The following OTUD7A variants were observed in gnomAD, a reference collection of about 807,000 sequenced individuals.
OTUD7A encodes OTU deubiquitinase 7A, also known as OTU domain-containing protein 7A.
A neutral mutation model predicts 65.7 loss-of-function variants in OTUD7A; 12 were observed. The observed-to-expected ratio is 0.18, with a 90% CI of 0.12 to 0.30. The LOEUF (loss-of-function observed/expected upper bound fraction) is 0.30, where lower values mean the gene tolerates loss of function less well. Among genes scored for constraint, OTUD7A ranks in the 10% least tolerant of loss-of-function variants. The pLI is 1.00. For missense variants in OTUD7A, 1,148 were observed against 1,304.8 expected, an observed-to-expected ratio of 0.88 and a Z score of 1.85; for synonymous variants, 641 against 586.3, an observed-to-expected ratio of 1.09 and a Z score of -1.35.
intron 10 of OTUD7A, among the ~76,000 whole-genome samples, chr15:31,490,264 T>C (rs954212767): frequency 6.6e-5 from 10 of 152,232 alleles, no homozygotes; most frequent in Non-Finnish European, 1.2e-4. Context: ...CTTTTCAAAA[T>C]GAGCCTAAAA....
intron 1 of OTUD7A, among the ~76,000 whole-genome samples, chr15:31,751,302 A>T (rs1894628352): frequency 6.6e-6 from 1 of 152,122 alleles, no homozygotes; most frequent in Non-Finnish European, 1.5e-5. Flanking sequence ...GTGGCCAACA[A>T]ACATATGAAA....
chr15:31,806,692 T>C (rs1896279066), intron 1 of OTUD7A, among the ~76,000 whole-genome samples: 1 of 152,246 alleles, frequency 6.6e-6, no homozygotes, highest in African/African-American at 2.4e-5. Context: ...CCCAGGATTA[T>C]GTATAGAAAA....
intron 1 of OTUD7A, among the ~76,000 whole-genome samples, chr15:31,732,405 C>T (rs1211010699): frequency 5.3e-5 from 8 of 152,192 alleles, no homozygotes; most frequent in Admixed American, 3.3e-4. Context: ...CATGTGGCCT[C>T]CTAGTTGTGA....
chr15:31,649,775 A>G (rs74396681), intron 3 of OTUD7A: 20,662 of 446,398 alleles, frequency 0.046, 1,853 homozygotes, highest in African/African-American at 0.26. Flanking sequence ...GGACCCCTGG[A>G]CAGCGTGCAG....
chr15:31,735,680 T>C (rs1343553040), intron 1 of OTUD7A, among the ~76,000 whole-genome samples: 1 of 152,078 alleles, frequency 6.6e-6, no homozygotes, highest in Non-Finnish European at 1.5e-5. Context: ...AACATAGAAA[T>C]ATCATTCAAC....
intron 1 of OTUD7A, among the ~76,000 whole-genome samples, chr15:31,668,912 CTG>C (rs1892403320): frequency 6.6e-6 from 1 of 152,214 alleles, no homozygotes. Flanking sequence ...GCAGCGACTG[CTG>C]TCTCTCTTCT....
At chr15:31,529,936 C>T (rs1291309881) in intron 6 of OTUD7A, among the ~76,000 whole-genome samples, 1 of 152,220 alleles carries the variant, frequency 6.6e-6, no homozygotes, top group African/African-American at 2.4e-5. Flanking sequence ...GGTGCAAACC[C>T]AGACTCACCT....
intron 10 of OTUD7A, among the ~76,000 whole-genome samples, chr15:31,492,184 A>G (rs1171408452): frequency 1.3e-5 from 2 of 152,246 alleles, no homozygotes; most frequent in Admixed American, 6.5e-5. Context: ...TAAAAATAAA[A>G]TGTCTGATAA....
chr15:31,713,145 C>A (rs12595745), intron 1 of OTUD7A, among the ~76,000 whole-genome samples: 132,635 of 152,202 alleles, frequency 0.87, 59,991 homozygotes, highest in East Asian at 1. Context: ...CATGGGAAAG[C>A]CATATGAGAA....
chr15:31,852,060 T>C (rs1897441354), intron 1 of OTUD7A, among the ~76,000 whole-genome samples: 1 of 152,222 alleles, frequency 6.6e-6, no homozygotes, highest in African/African-American at 2.4e-5. Context: ...GGTTTCACCA[T>C]GTTGGTCAGG....
At chr15:31,556,600 C>T (rs1008476666) in intron 5 of OTUD7A, 1 of 152,214 alleles carries the variant, frequency 6.6e-6, no homozygotes, top group Non-Finnish European at 1.5e-5. Context: ...TTTTGCTAAG[C>T]ATGGTAGGGC....
chr15:31,500,577 C>T (rs917767273), intron 10 of OTUD7A, among the ~76,000 whole-genome samples: 1 of 152,244 alleles, frequency 6.6e-6, no homozygotes, highest in Non-Finnish European at 1.5e-5. Flanking sequence ...CCGCCTCTGG[C>T]GGAGGGCTGG....
intron 1 of OTUD7A, among the ~76,000 whole-genome samples, chr15:31,862,237 G>A (rs991306521): frequency 6.6e-6 from 1 of 152,194 alleles, no homozygotes; most frequent in Non-Finnish European, 1.5e-5. Context: ...GGATAAGGAA[G>A]TACGTTCTGT....
intron 5 of OTUD7A, among the ~76,000 whole-genome samples, chr15:31,546,049 T>C (rs1185294261): frequency 6.6e-6 from 1 of 152,202 alleles, no homozygotes. Flanking sequence ...GTGTTAGGTA[T>C]TACAGGTAAT....
In OTUD7A at chr15:31,475,417, T is replaced by C. The variant is rs1446288997; in HGVS notation, c.*7877A>G. The stretch of plus-strand genomic sequence containing the variant: ...AACCAATACTTTACAAACATGTTAA[T>C]TTTATTGAGTAGGCATCAAAGCTTC... On this transcript the variant is annotated 3_prime_UTR_variant, in exon 13 of 13. Transcript: ENST00000307050. 6.6e-6 allele frequency: 1 copy of C among 152,196 alleles called. No homozygotes were observed. Among genetic ancestry groups the C allele is most frequent in the African/African-American group, 2.4e-5 (1 of 41,440 alleles). The allele number at this position is 152,196 out of a possible 1,614,324, so 9.4% of individuals were successfully genotyped here.
At position 31,530,683 on chromosome 15, in the gene OTUD7A, CTCTG is replaced by C. The variant is rs1422051536; in HGVS notation, c.652+20_652+23del. 1 of 1,607,120 alleles carries C rather than the reference CTCTG, an allele frequency of 6.2e-7. No homozygotes were observed. The highest frequency in any genetic ancestry group is 8.5e-7 in the Non-Finnish European group (1 of 1,175,126). Reference sequence around the variant, plus strand: ...TACGCAGGCCTGGAGCCTGGCCACCCTCTGTCTGTGCTGTGGAGCTTACCCAGTG... The same window carrying C: ...TACGCAGGCCTGGAGCCTGGCCACCCTCTGTGCTGTGGAGCTTACCCAGTG... On this transcript the variant is annotated intron_variant, in intron 6 of 12. Transcript: ENST00000307050.
intron 3 of OTUD7A, among the ~76,000 whole-genome samples, chr15:31,575,199 C>A (rs1889167664): frequency 6.6e-6 from 1 of 152,136 alleles, no homozygotes; most frequent in Non-Finnish European, 1.5e-5. Context: ...AGTCAAGTAG[C>A]CAACCTAAAA....
chr15:31,694,782 G>A (rs1420530650), intron 1 of OTUD7A, among the ~76,000 whole-genome samples: 2 of 152,048 alleles, frequency 1.3e-5, no homozygotes, highest in African/African-American at 2.4e-5. Context: ...CTTGCCGTAC[G>A]TGACAGGATT....
At chr15:31,546,454 T>C (rs1381952502) in intron 5 of OTUD7A, among the ~76,000 whole-genome samples, 1 of 152,206 alleles carries the variant, frequency 6.6e-6, no homozygotes, top group Non-Finnish European at 1.5e-5. Context: ...CCAGAATTAG[T>C]GTTTGTATAA....
Sources: gnomAD v4.1 joint callset for allele counts (sites outside exome capture counted in the v4.1 genomes callset) on GRCh38, gnomAD v4.1.1 for gene constraint, MANE v1.5 for transcripts, NCBI Gene and HGNC (gene_info 2026-07-23, HGNC 2026-07-21) for gene names.